NIPAL2: variants seen among roughly 807,000 people sequenced by gnomAD.
The protein encoded by NIPAL2 is NIPA-like protein 2.
A neutral mutation model predicts 48.9 loss-of-function variants in NIPAL2; 43 were observed. The observed-to-expected ratio is 0.88, with a 90% CI of 0.69 to 1.13. The LOEUF (loss-of-function observed/expected upper bound fraction) is 1.13. Ranked by LOEUF, NIPAL2 falls within the 50% of genes most tolerant of loss-of-function variation. The probability of loss-of-function intolerance (pLI) is 0.00; values close to 1 mark genes in which losing one functional copy is unlikely to be tolerated. For synonymous variants in NIPAL2, 167 were observed against 174.6 expected, an observed-to-expected ratio of 0.96 and a Z score of 0.34; for missense variants, 446 against 461.4, an observed-to-expected ratio of 0.97 and a Z score of 0.31.
rs183353795 is a variant in NIPAL2 at position 98,293,667 on chromosome 8, G to C, written c.135+336C>G. On this transcript the variant is annotated intron_variant, in intron 1 of 10. Coordinates refer to ENST00000430223, the MANE Select transcript of NIPAL2 (RefSeq NM_001321635.2). Reference sequence around the variant, plus strand: ...TGAGTGAATTGCCCCCACACTCCTAGATTCCTTCCGGGAGAAGAGGGCGGA... The same window carrying C: ...TGAGTGAATTGCCCCCACACTCCTACATTCCTTCCGGGAGAAGAGGGCGGA... Among the ~76,000 whole-genome samples the C allele has an allele frequency of 2.2e-3, 328 of 152,334 alleles. 6 individuals carry two copies. The highest frequency in any genetic ancestry group is 0.013 in the Admixed American group (202 of 15,312).
intron 3 of NIPAL2, 72 bp from the exon 4 acceptor site, chr8:98,236,286 G>A (rs1812711868): frequency 1.8e-6 from 2 of 1,096,190 alleles, no homozygotes; most frequent in African/African-American, 1.6e-5. Context: ...TTTGAAAGAA[G>A]TTAAGCAATT....
chr8:98,194,350 T>C (rs1810446561), intron 10 of NIPAL2, among the ~76,000 whole-genome samples: 1 of 152,120 alleles, frequency 6.6e-6, no homozygotes. Flanking sequence ...CCCCAAGACA[T>C]GCTCCTTAGC....
At chr8:98,276,826 G>T (rs1356539569) in intron 1 of NIPAL2, among the ~76,000 whole-genome samples, 1 of 148,568 alleles carries the variant, frequency 6.7e-6, no homozygotes, top group African/African-American at 2.5e-5. Flanking sequence ...AGGCTGAAGT[G>T]CAGTTGCGCG....
chr8:98,250,718 T>C (rs1384468636), intron 3 of NIPAL2, among the ~76,000 whole-genome samples: 1 of 152,142 alleles, frequency 6.6e-6, no homozygotes, highest in Admixed American at 6.5e-5. Flanking sequence ...GTCAAGGCAG[T>C]GGGCTCAGAG....
At chr8:98,214,977 C>T in intron 5 of NIPAL2, among the ~76,000 whole-genome samples, 1 of 152,190 alleles carries the variant, frequency 6.6e-6, no homozygotes, top group African/African-American at 2.4e-5. Flanking sequence ...ACAGAAATAT[C>T]CCTCTGGGCC....
intron 3 of NIPAL2, among the ~76,000 whole-genome samples, chr8:98,237,132 C>T (rs1812759346): frequency 6.6e-6 from 1 of 151,912 alleles, no homozygotes; most frequent in Non-Finnish European, 1.5e-5. Flanking sequence ...AAGATCATAA[C>T]TCACTGCAAC....
chr8:98,263,603 C>A (rs1192794091), intron 1 of NIPAL2, among the ~76,000 whole-genome samples: 25 of 147,780 alleles, frequency 1.7e-4, no homozygotes, highest in Non-Finnish European at 3.1e-4. Context: ...TCTGAATAGA[C>A]CAATAACAGG....
chr8:98,218,874 T>C (rs1222545999), intron 5 of NIPAL2, among the ~76,000 whole-genome samples: 1 of 152,048 alleles, frequency 6.6e-6, no homozygotes, highest in Non-Finnish European at 1.5e-5. Flanking sequence ...GTCAGGTTTG[T>C]TTATTAGGAG....
chr8:98,240,914 A>C (rs1812950217), intron 3 of NIPAL2, among the ~76,000 whole-genome samples: 1 of 152,056 alleles, frequency 6.6e-6, no homozygotes. Context: ...AGCACATGTT[A>C]ATGTGCTAGC....
intron 1 of NIPAL2, 113 bp downstream of exon 1, chr8:98,293,890 C>T: frequency 9.9e-7 from 1 of 1,013,856 alleles, no homozygotes; most frequent in Non-Finnish European, 1.3e-6. Flanking sequence ...CTCGGAGAGG[C>T]CGGGTGTCTT....
At chr8:98,247,033 A>C (rs1813343047) in intron 3 of NIPAL2, among the ~76,000 whole-genome samples, 1 of 152,188 alleles carries the variant, frequency 6.6e-6, no homozygotes, top group South Asian at 2.1e-4. Context: ...AAAAAGGAAA[A>C]CATTAAATGT....
chr8:98,237,408 C>T (rs1399664322), intron 3 of NIPAL2, among the ~76,000 whole-genome samples: 10 of 152,032 alleles, frequency 6.6e-5, no homozygotes, highest in Admixed American at 6.5e-4. Flanking sequence ...ATCACCAGCC[C>T]TATCCCAAGC....
At chr8:98,213,409 T>A (rs533446581) in intron 5 of NIPAL2, among the ~76,000 whole-genome samples, 1 of 152,320 alleles carries the variant, frequency 6.6e-6, no homozygotes, top group South Asian at 2.1e-4. Flanking sequence ...TCTTCCAGGA[T>A]GATGCATGTA....
chr8:98,289,968 A>C (rs1264578964), intron 1 of NIPAL2, among the ~76,000 whole-genome samples: 1 of 152,210 alleles, frequency 6.6e-6, no homozygotes, highest in Non-Finnish European at 1.5e-5. Flanking sequence ...GCAAGACAGA[A>C]GCCTTAATCA....
intron 1 of NIPAL2, among the ~76,000 whole-genome samples, chr8:98,275,693 G>A (rs1487752546): frequency 3.3e-5 from 5 of 152,102 alleles, no homozygotes; most frequent in Non-Finnish European, 1.5e-5. Flanking sequence ...TTTCAGAGTT[G>A]TACAATTTTA....
intron 10 of NIPAL2, 26 bp downstream of exon 10, chr8:98,194,702 C>A: frequency 7.6e-7 from 1 of 1,313,274 alleles, no homozygotes; most frequent in Non-Finnish European, 1.0e-6. Context: ...ATCAAATTTT[C>A]CACTATAAAG....
intron 1 of NIPAL2, among the ~76,000 whole-genome samples, chr8:98,272,027 G>C (rs1004033747): frequency 6.6e-6 from 1 of 151,976 alleles, no homozygotes; most frequent in Non-Finnish European, 1.5e-5. Flanking sequence ...AACCAAATTT[G>C]CACCCCAGGA....
At chr8:98,255,471 A>C (rs1813834749) in intron 1 of NIPAL2, among the ~76,000 whole-genome samples, 1 of 152,348 alleles carries the variant, frequency 6.6e-6, no homozygotes, top group Admixed American at 6.5e-5. Context: ...GCTTTATTAT[A>C]TGTGATTTTT....
At chr8:98,248,580 G>C (rs1018333330) in intron 3 of NIPAL2, among the ~76,000 whole-genome samples, 1 of 152,194 alleles carries the variant, frequency 6.6e-6, no homozygotes, top group Non-Finnish European at 1.5e-5. Context: ...CACAGAGCTT[G>C]CCAATGGCAG....
Sources: allele counts gnomAD v4.1 joint callset (sites outside exome capture counted in the v4.1 genomes callset), GRCh38; gene constraint gnomAD v4.1.1; transcripts MANE v1.5; gene names NCBI Gene and HGNC (gene_info 2026-07-23, HGNC 2026-07-21).